The following FER variants were observed in gnomAD, a reference collection of about 807,000 sequenced individuals.
FER encodes tyrosine-protein kinase Fer.
A neutral mutation model predicts 111.0 loss-of-function variants in FER; 63 were observed. The ratio of observed to expected loss-of-function variants is 0.57; its 90% CI spans 0.46 to 0.70. The LOEUF is 0.70. Among genes scored for constraint, FER ranks in the 30% least tolerant of loss-of-function variants. The pLI is 0.00. For missense variants in FER, 914 were observed against 954.0 expected, an observed-to-expected ratio of 0.96 and a Z score of 0.55; for synonymous variants, 327 against 313.9, an observed-to-expected ratio of 1.04 and a Z score of -0.44.
chr5:108,909,352 C>T (rs892223577), intron 10 of FER, among the ~76,000 whole-genome samples: 1 of 152,052 alleles, frequency 6.6e-6, no homozygotes, highest in African/African-American at 2.4e-5. Flanking sequence ...TTTTTTAAAT[C>T]ATCGGTTTAC....
intron 13 of FER, among the ~76,000 whole-genome samples, chr5:108,998,481 A>G (rs953124395): frequency 6.6e-6 from 1 of 152,082 alleles, no homozygotes; most frequent in Admixed American, 6.5e-5. Context: ...GGCCGCACCC[A>G]CTGTCCAACC....
At chr5:108,800,232 C>T (rs1390020385) in intron 3 of FER, among the ~76,000 whole-genome samples, 1 of 152,176 alleles carries the variant, frequency 6.6e-6, no homozygotes, top group Non-Finnish European at 1.5e-5. Flanking sequence ...ATTCTGTTGA[C>T]ATATCTTATT....
At chr5:108,932,069 A>G (rs1227015750) in intron 10 of FER, among the ~76,000 whole-genome samples, 1 of 151,884 alleles carries the variant, frequency 6.6e-6, no homozygotes, top group Admixed American at 6.6e-5. Flanking sequence ...CATGTGCAGA[A>G]TGTGCAGGTT....
chr5:108,790,311 A>C, intron 2 of FER, among the ~76,000 whole-genome samples: 1 of 151,204 alleles, frequency 6.6e-6, no homozygotes, highest in Admixed American at 6.6e-5. Context: ...TTTTTTCTCT[A>C]TTTGGAAAAC....
chr5:109,037,610 T>C (rs1770580626), intron 14 of FER, 132 bp downstream of exon 14: 3 of 605,652 alleles, frequency 5.0e-6, no homozygotes, highest in Non-Finnish European at 8.7e-6. Context: ...AACACAATGC[T>C]ATATCTTCTC....
chr5:108,990,041 T>A (rs925385397), intron 13 of FER, among the ~76,000 whole-genome samples: 1 of 151,874 alleles, frequency 6.6e-6, no homozygotes, highest in Non-Finnish European at 1.5e-5. Flanking sequence ...TCTAAAGAAT[T>A]GATTAGGTGA....
intron 10 of FER, among the ~76,000 whole-genome samples, chr5:108,921,252 C>T (rs1278539495): frequency 6.6e-6 from 1 of 152,050 alleles, no homozygotes; most frequent in Non-Finnish European, 1.5e-5. Context: ...TTAGAATTTA[C>T]TCTGTGGTAG....
intron 16 of FER, among the ~76,000 whole-genome samples, chr5:109,099,758 G>C (rs560217284): frequency 6.6e-6 from 1 of 151,436 alleles, no homozygotes; most frequent in South Asian, 2.1e-4. Context: ...CTCATGTTAT[G>C]TATGTCTTGG....
intron 17 of FER, among the ~76,000 whole-genome samples, chr5:109,165,018 CTTT>C (rs1756387095): frequency 6.6e-6 from 1 of 151,980 alleles, no homozygotes; most frequent in African/African-American, 2.4e-5. Context: ...TTGAGTAATT[CTTT>C]TTTATGTGTG....
rs144945467 is a variant in FER at position 109,050,560 on chromosome 5, G to A, written c.1924+3362G>A. Among the ~76,000 whole-genome samples the A allele has an allele frequency of 7.0e-3, 1,072 of 152,280 alleles. 12 individuals carry two copies. Among genetic ancestry groups the A allele is most frequent in the African/African-American group, 0.024 (1,000 of 41,550 alleles). ...AAAAATGTTAAGTGACATCCCAACTGTCTTAAAAATGTTTACAGAAACCAT... is the reference window on the plus strand; with the variant it reads ...AAAAATGTTAAGTGACATCCCAACTATCTTAAAAATGTTTACAGAAACCAT... On this transcript the variant is annotated intron_variant, in intron 16 of 19. Transcript: ENST00000281092.
intron 13 of FER, among the ~76,000 whole-genome samples, chr5:109,002,314 C>G (rs952580815): frequency 3.0e-4 from 46 of 151,654 alleles, no homozygotes; most frequent in Admixed American, 3.9e-4. Flanking sequence ...TCAGAAATAA[C>G]GCCGCATATC....
chr5:109,113,391 CAGTA>C (rs1448791259), intron 17 of FER, among the ~76,000 whole-genome samples: 6 of 152,140 alleles, frequency 3.9e-5, no homozygotes, highest in Admixed American at 6.6e-5. Context: ...ATTTTTTAAA[CAGTA>C]AGAAGCAAAG....
chr5:108,988,428 G>A (rs1041190156), intron 13 of FER, among the ~76,000 whole-genome samples: 2 of 151,990 alleles, frequency 1.3e-5, no homozygotes, highest in African/African-American at 4.8e-5. Flanking sequence ...GGACTTTTTT[G>A]TTGGCAAGTT....
intron 11 of FER, among the ~76,000 whole-genome samples, chr5:108,950,928 G>A (rs1050808118): frequency 9.2e-5 from 14 of 151,508 alleles, no homozygotes; most frequent in African/African-American, 3.4e-4. Context: ...AAATTCCTAA[G>A]TAATACATAG....
chr5:109,005,870 C>T (rs1765434297), intron 13 of FER, among the ~76,000 whole-genome samples: 1 of 152,158 alleles, frequency 6.6e-6, no homozygotes, highest in South Asian at 2.1e-4. Context: ...TTAATCATTC[C>T]ATTTAAATAT....
chr5:108,797,350 C>A (rs1357487888), intron 2 of FER, among the ~76,000 whole-genome samples: 3 of 152,032 alleles, frequency 2.0e-5, no homozygotes, highest in Non-Finnish European at 4.4e-5. Context: ...AGGGGTGTTG[C>A]AAGCACTCCT....
chr5:108,942,718 C>G (rs1452198884), intron 10 of FER, among the ~76,000 whole-genome samples: 1 of 152,044 alleles, frequency 6.6e-6, no homozygotes, highest in Non-Finnish European at 1.5e-5. Context: ...GAAGGACATA[C>G]TGATATTTAC....
intron 17 of FER, among the ~76,000 whole-genome samples, chr5:109,129,787 A>G (rs1055701636): frequency 6.6e-6 from 1 of 152,070 alleles, no homozygotes; most frequent in Admixed American, 6.6e-5. Context: ...ACCCTTTTAC[A>G]CAGCAATTCA....
At chr5:108,772,218 G>T (rs889813729) in intron 2 of FER, among the ~76,000 whole-genome samples, 7 of 150,776 alleles carry the variant, frequency 4.6e-5, no homozygotes, top group African/African-American at 1.5e-4. Context: ...ACCTTGGGGG[G>T]TTAAGTTGAA....
Sources: allele counts gnomAD v4.1 joint callset (sites outside exome capture counted in the v4.1 genomes callset), GRCh38; gene constraint gnomAD v4.1.1; transcripts MANE v1.5; gene names NCBI Gene and HGNC (gene_info 2026-07-23, HGNC 2026-07-21).